The following KCNK9 variants were observed in gnomAD, a reference collection of about 807,000 sequenced individuals.
KCNK9 encodes potassium channel subfamily K member 9.
A neutral mutation model predicts 10.8 loss-of-function variants in KCNK9; 1 was observed. The observed-to-expected ratio is 0.09, with a 90% CI of 0.03 to 0.44. KCNK9 has a LOEUF of 0.44. KCNK9 is among the 20% of genes least tolerant of loss of function. KCNK9 has a pLI of 0.97. For missense variants in KCNK9, 303 were observed against 515.0 expected (o/e 0.59, Z 3.98); for synonymous variants, 231 against 222.7 (o/e 1.04, Z -0.33).
chr8:139,687,532 A>G (rs1052419368), intron 1 of KCNK9, among the ~76,000 whole-genome samples: 3 of 133,450 alleles, frequency 2.2e-5, no homozygotes, highest in African/African-American at 8.5e-5. Flanking sequence ...ATTCATATAT[A>G]TGTATACACA....
chr8:139,661,641 C>T (rs1816153856), intron 1 of KCNK9, among the ~76,000 whole-genome samples: 1 of 152,204 alleles, frequency 6.6e-6, no homozygotes, highest in Non-Finnish European at 1.5e-5. Context: ...GGCTGACGGC[C>T]CAGCTCCAGG....
rs1265101055 is a variant in KCNK9, at chr8:139,683,827, C to A, written c.283+18883G>T. 2.0e-5 allele frequency among the ~76,000 whole-genome samples: 3 copies of A among 152,370 alleles called. No individual in the cohort carries two copies. The East Asian group carries it at 5.8e-4, about 29-fold the overall frequency. ...ATGGGAAATGGAGCCACACCTCCTT[C>A]TCCCAGTCATCTGCCAATGATGGGT... On this transcript the variant is annotated intron_variant, in intron 1 of 1. Transcript: ENST00000520439.
At chr8:139,690,091 T>C (rs1357505856) in intron 1 of KCNK9, among the ~76,000 whole-genome samples, 2 of 152,234 alleles carry the variant, frequency 1.3e-5, no homozygotes, top group Admixed American at 6.5e-5. Context: ...TCTGTGTTTG[T>C]GGATGATTTG....
chr8:139,623,499 G>A (rs549467959), intron 1 of KCNK9, among the ~76,000 whole-genome samples: 33 of 152,246 alleles, frequency 2.2e-4, no homozygotes, highest in Admixed American at 1.7e-3. Context: ...GAGCAGGTGC[G>A]GATAGAGGCT....
At chr8:139,676,199 C>A (rs890935746) in intron 1 of KCNK9, among the ~76,000 whole-genome samples, 1 of 152,216 alleles carries the variant, frequency 6.6e-6, no homozygotes, top group African/African-American at 2.4e-5. Context: ...GAAGTGAGGG[C>A]AGTTTGTTAC....
chr8:139,619,528 C>T (rs1325273648), intron 1 of KCNK9, among the ~76,000 whole-genome samples: 7 of 152,160 alleles, frequency 4.6e-5, no homozygotes, highest in African/African-American at 1.4e-4. Flanking sequence ...AAGGGAGAAA[C>T]CTCTCTATGT....
chr8:139,702,778 T>C lies in KCNK9; in HGVS notation c.215A>G (p.His72Arg), dbSNP rs749886588. The C allele has an allele frequency of 1.2e-6, 2 of 1,613,154 alleles. No homozygotes were observed. Among genetic ancestry groups the C allele is most frequent in the Admixed American group, 3.3e-5 (2 of 59,986 alleles). The part of the protein sequence containing the change: ...LELVILQSEP[H>R]RAGVQWKFAG... ...GAATTTCCACTGGACGCCGGCGCGG[T>C]GCGGTTCCGACTGCAGGATCACCAG... Residue 72 changes from histidine to arginine, a missense_variant, in exon 1 of 2, where the codon CAC becomes CGC. Around this residue, in one of 5 missense-constraint regions of KCNK9, gnomAD observed 58 missense variants for 102.4 expected, o/e 0.57. Coordinates refer to ENST00000520439, the MANE Select transcript of KCNK9 (RefSeq NM_001282534.2). This position sits in a 1 kb window ranked among gnomAD's most constrained non-coding sequence, Gnocchi z 7.5.
At chr8:139,624,404 A>G (rs1814898641) in intron 1 of KCNK9, among the ~76,000 whole-genome samples, 2 of 152,162 alleles carry the variant, frequency 1.3e-5, no homozygotes, top group Non-Finnish European at 1.5e-5. Context: ...CGGCATGTTC[A>G]GGGACCCTGG....
At chr8:139,654,212 C>T (rs145827698) in intron 1 of KCNK9, among the ~76,000 whole-genome samples, 22 of 152,372 alleles carry the variant, frequency 1.4e-4, no homozygotes, top group African/African-American at 4.8e-4. Context: ...GTATATCCAG[C>T]GAAGGCTCTG....
rs572027016 is a variant in KCNK9 at position 139,702,389 on chromosome 8, T to C, written c.283+321A>G. Among the ~76,000 whole-genome samples, 1 of 151,864 alleles carries C rather than the reference T, an allele frequency of 6.6e-6. No individual in the cohort carries two copies. Among genetic ancestry groups the C allele is most frequent in the Non-Finnish European group, 1.5e-5 (1 of 67,892 alleles). ...GGGCGGTGGGTGGGTGGGTGTCTGC[T>C]ATGGGATTATTCTTAGCGCTCCACT... On this transcript the variant is annotated intron_variant, in intron 1 of 1. Coordinates refer to ENST00000520439, the MANE Select transcript of KCNK9 (RefSeq NM_001282534.2). This position sits in a 1 kb window ranked among gnomAD's most constrained non-coding sequence, Gnocchi z 7.5.
intron 1 of KCNK9, among the ~76,000 whole-genome samples, chr8:139,700,571 T>TC (rs1354502488): frequency 6.6e-6 from 1 of 151,228 alleles, no homozygotes; most frequent in Non-Finnish European, 1.5e-5. Flanking sequence ...CACATTTTTT[T>TC]CCCAACCTTT....
chr8:139,686,735 C>A (rs1196114236), intron 1 of KCNK9, among the ~76,000 whole-genome samples: 1 of 152,174 alleles, frequency 6.6e-6, no homozygotes, highest in South Asian at 2.1e-4. Flanking sequence ...CATTCTCCTA[C>A]CTAATCATTT....
chr8:139,636,122 A>G (rs766880903), intron 1 of KCNK9, among the ~76,000 whole-genome samples: 1 of 152,220 alleles, frequency 6.6e-6, no homozygotes, highest in African/African-American at 2.4e-5. Context: ...TGGGCTGGGC[A>G]TTGCAGGAGT....
At chr8:139,701,665 C>G (rs1485988856) in intron 1 of KCNK9, among the ~76,000 whole-genome samples, 1 of 152,186 alleles carries the variant, frequency 6.6e-6, no homozygotes, top group Non-Finnish European at 1.5e-5. Flanking sequence ...CCTAGAGAGG[C>G]AGCCTGCCTC....
At chr8:139,647,262 G>A (rs995837342) in intron 1 of KCNK9, among the ~76,000 whole-genome samples, 2 of 152,214 alleles carry the variant, frequency 1.3e-5, no homozygotes, top group African/African-American at 4.8e-5. Flanking sequence ...ATTGCCAGGA[G>A]CCTGGGGGTG....
At chr8:139,630,331 C>T (rs367581491) in intron 1 of KCNK9, among the ~76,000 whole-genome samples, 58 of 152,250 alleles carry the variant, frequency 3.8e-4, no homozygotes, top group Middle Eastern at 3.4e-3. Flanking sequence ...CTGGAAGGAA[C>T]GGGTCTGCTC....
chr8:139,676,693 G>C (rs1218942013), intron 1 of KCNK9, among the ~76,000 whole-genome samples: 2 of 152,214 alleles, frequency 1.3e-5, no homozygotes, highest in African/African-American at 4.8e-5. Context: ...GCTCACACCT[G>C]TAATCCCAGC....
intron 1 of KCNK9, among the ~76,000 whole-genome samples, chr8:139,621,155 G>A (rs955798082): frequency 6.6e-6 from 1 of 152,106 alleles, no homozygotes; most frequent in African/African-American, 2.4e-5. Context: ...GCCAGGTGTG[G>A]TGGCACACAC....
Position 139,702,937 on chromosome 8 carries a change from A to C in KCNK9, c.56T>G (p.Leu19Arg). 1 of 1,611,904 alleles carries C rather than the reference A, an allele frequency of 6.2e-7. No homozygotes were observed. The highest frequency in any genetic ancestry group is 8.5e-7 in the Non-Finnish European group (1 of 1,179,272). ...GTCGAACACGGCGGCGCCCACCAGC[A>C]GGTAGGTGAAGGTGCAGACGATGAG... ...LSLIVCTFTY[L>R]LVGAAVFDAL... is the part of the protein sequence containing the mutation. Residue 19 changes from leucine (L) to arginine (R), a missense_variant, in exon 1 of 2, where the codon CTG becomes CGG. This residue lies in a region of KCNK9 where 58 missense variants were observed against 102.4 expected (regional missense o/e 0.57). Coordinates refer to ENST00000520439, the MANE Select transcript of KCNK9 (RefSeq NM_001282534.2). This position sits in a 1 kb window ranked among gnomAD's most constrained non-coding sequence, Gnocchi z 7.5.
Sources: allele counts gnomAD v4.1 joint callset (sites outside exome capture counted in the v4.1 genomes callset), GRCh38; gene constraint gnomAD v4.1.1; regional missense constraint gnomAD v4.1.1; non-coding constraint Gnocchi (gnomAD v3.1); transcripts MANE v1.5; gene names NCBI Gene and HGNC (gene_info 2026-07-23, HGNC 2026-07-21).